The following OR3A2 variants were observed in gnomAD, a reference collection of about 807,000 sequenced individuals.
The protein encoded by OR3A2 is olfactory receptor family 3 subfamily A member 2.
For missense variants in OR3A2, 318 were observed against 392.8 expected (o/e 0.81, Z 1.61); for synonymous variants, 126 against 159.3 (o/e 0.79, Z 1.57).
intron 3 of OR3A2, among the ~76,000 whole-genome samples, chr17:3,327,819 T>C (rs915873481): frequency 2.1e-5 from 3 of 140,562 alleles, no homozygotes; most frequent in East Asian, 2.3e-4. Context: ...AGGGAATCCT[T>C]TCCCCATTGC....
intron 3 of OR3A2, among the ~76,000 whole-genome samples, chr17:3,330,535 C>T (rs1260026984): frequency 6.6e-6 from 1 of 151,956 alleles, no homozygotes; most frequent in African/African-American, 2.4e-5. Context: ...GATTGCAACC[C>T]CTGCCTTTTT....
chr17:3,359,707 G>T (rs898715990), intron 2 of OR3A2, among the ~76,000 whole-genome samples: 3 of 151,706 alleles, frequency 2.0e-5, no homozygotes, highest in African/African-American at 7.3e-5. Context: ...TGCTGAGAAT[G>T]ATGGTTTCCA....
intron 2 of OR3A2, among the ~76,000 whole-genome samples, chr17:3,367,599 G>GCGTATA: frequency 1.2e-5 from 1 of 85,968 alleles, no homozygotes; most frequent in South Asian, 4.2e-4. Context: ...GTGTGTGTGT[G>GCGTATA]TGTATATATA....
intron 2 of OR3A2, among the ~76,000 whole-genome samples, chr17:3,356,257 G>C (rs1046613943): frequency 1.3e-5 from 2 of 151,448 alleles, no homozygotes; most frequent in African/African-American, 4.9e-5. Flanking sequence ...TTCTATTTGA[G>C]TAGTTTACAC....
In OR3A2 at chr17:3,323,647, G is replaced by T. The variant is rs142968305; in HGVS notation, c.-85+12386C>A. On this transcript the variant is annotated intron_variant, in intron 3 of 4. Coordinates refer to the OR3A2 transcript ENST00000573491. ...AGTTTGGCTGGATATGAAATTCTGG[G>T]TTGAAAATTCTTTTCCTTAAGAATG... Among the ~76,000 whole-genome samples, 416 of 152,152 alleles carry T rather than the reference G, an allele frequency of 2.7e-3. 2 individuals carry two copies. The highest frequency in any genetic ancestry group is 3.5e-3 in the Non-Finnish European group (238 of 68,014).
chr17:3,310,551 G>A (rs150593678), intron 3 of OR3A2: 23 of 536,256 alleles, frequency 4.3e-5, no homozygotes, highest in African/African-American at 4.2e-4. Flanking sequence ...CAGTGTCACT[G>A]TCCCTGCCAT....
chr17:3,372,695 G>A lies in OR3A2; in HGVS notation c.-179+11109C>T, dbSNP rs370172916. Among the ~76,000 whole-genome samples the A allele has an allele frequency of 2.6e-4, 39 of 151,678 alleles. No individual in the cohort carries two copies. The East Asian group carries it at 4.9e-3, about 19-fold the overall frequency. On this transcript the variant is annotated intron_variant, in intron 2 of 4. Coordinates refer to the OR3A2 transcript ENST00000573491. The stretch of plus-strand genomic sequence containing the variant: ...GAAAACCAGTCAGGCGTGGCGGCGC[G>A]CGCCTGCAATCGCAGGCACTCGGCA...
At chr17:3,310,849 T>C (rs1477892180) in intron 3 of OR3A2, 2 of 1,043,410 alleles carry the variant, frequency 1.9e-6, no homozygotes, top group Non-Finnish European at 2.8e-6. Context: ...ATCAATCACT[T>C]CTACTGTGAC....
intron 3 of OR3A2, among the ~76,000 whole-genome samples, chr17:3,327,812 G>C (rs1355560726): frequency 7.2e-6 from 1 of 139,776 alleles, no homozygotes; most frequent in Non-Finnish European, 1.5e-5. Context: ...ATTAAATAGG[G>C]AATCCTTTCC....
chr17:3,278,605 A>G, exon 2 of OR3A2: 1 of 1,595,828 alleles, frequency 6.3e-7, no homozygotes, highest in South Asian at 1.1e-5. Context: ...TGGAAGAAGA[A>G]GAGCTGGGAG....
intron 3 of OR3A2, chr17:3,291,033 C>G (rs1266978963): frequency 6.6e-6 from 1 of 152,218 alleles, no homozygotes; most frequent in Non-Finnish European, 1.5e-5. Flanking sequence ...ACACAGGTAT[C>G]AGGTGCTCCA....
chr17:3,311,660 C>T lies in OR3A2; in HGVS notation c.-85+24373G>A. On this transcript the variant is annotated intron_variant, in intron 3 of 4. Coordinates refer to the OR3A2 transcript ENST00000573491. The surrounding 1 kb of genome is among the most constrained non-coding windows in gnomAD (Gnocchi z 4.6). The stretch of plus-strand genomic sequence containing the variant: ...ATCTCAGTGTCCTATGCCCACGTCA[C>T]AGCTGCAATATTACAAATCCGCTCA... 1 of 292,496 alleles carries T rather than the reference C, an allele frequency of 3.4e-6. No homozygotes were observed. Among genetic ancestry groups the T allele is most frequent in the East Asian group, 7.7e-5 (1 of 12,986 alleles). 18.1% of individuals were successfully genotyped at this position (292,496 alleles called of 1,614,324 possible). A position where few individuals can be genotyped will look rare whatever the true frequency, so the allele number is the denominator to read the frequency against.
rs886553461 is a variant in OR3A2, at chr17:3,360,225, C to T, written c.-179+23579G>A. 1.1e-4 allele frequency among the ~76,000 whole-genome samples: 17 copies of T among 150,862 alleles called. 1 individual carries two copies. Among genetic ancestry groups the T allele is most frequent in the Admixed American group, 7.2e-4 (11 of 15,176 alleles). On this transcript the variant is annotated intron_variant, in intron 2 of 4. Coordinates refer to the OR3A2 transcript ENST00000573491. Reference sequence around the variant, plus strand: ...TTGGCTGCATAAATGTCTTCTTTTGCGAAGTGTCTGTTCATATCCTTCGCC... The same window carrying T: ...TTGGCTGCATAAATGTCTTCTTTTGTGAAGTGTCTGTTCATATCCTTCGCC...
chr17:3,278,996 C>G (rs1243942730), intron 1 of OR3A2, 73 bp from the exon 5 acceptor site: 2 of 1,559,786 alleles, frequency 1.3e-6, no homozygotes, highest in South Asian at 1.2e-5. Flanking sequence ...TATTTTAAAC[C>G]ATTTATGTTC....
At chr17:3,291,685 C>T in intron 3 of OR3A2, 1 of 1,610,940 alleles carries the variant, frequency 6.2e-7, no homozygotes, top group East Asian at 2.2e-5. Context: ...GCACTCTGCA[C>T]ATCAGGGTTT....
rs1265919878 is a variant in OR3A2 at position 3,278,787 on chromosome 17, C to G, written c.131G>C (p.Gly44Ala). The G allele has an allele frequency of 1.6e-5, 23 of 1,482,810 alleles. No individual in the cohort carries two copies. The highest frequency in any genetic ancestry group is 2.1e-5 in the Non-Finnish European group (23 of 1,094,324). 91.9% of individuals were successfully genotyped at this position (1,482,810 alleles called of 1,614,324 possible). The change falls in exon 2 of 2, where the codon GGC (glycine) becomes GCC (alanine). Residue 44 changes from glycine to alanine, a missense_variant. Transcript: ENST00000642052. ...GACGGCTGCCAGGATGCTGAGGTTGCCCCCAGTTGTGACCAGATAGGCAAA... is the reference window on the plus strand; with the variant it reads ...GACGGCTGCCAGGATGCTGAGGTTGGCCCCAGTTGTGACCAGATAGGCAAA...
At chr17:3,353,760 G>A (rs748348919) in intron 2 of OR3A2, among the ~76,000 whole-genome samples, 4 of 151,746 alleles carry the variant, frequency 2.6e-5, no homozygotes, top group African/African-American at 4.8e-5. Flanking sequence ...AGTGAAATAA[G>A]CACATCATGG....
intron 3 of OR3A2, among the ~76,000 whole-genome samples, chr17:3,324,046 T>C (rs1211047487): frequency 4.6e-5 from 7 of 152,220 alleles, no homozygotes; most frequent in South Asian, 2.1e-4. Context: ...TCTTGGAGGC[T>C]TTGTTCATTT....
intron 3 of OR3A2, among the ~76,000 whole-genome samples, chr17:3,331,478 C>T (rs1413388994): frequency 1.3e-5 from 2 of 151,824 alleles, no homozygotes; most frequent in Non-Finnish European, 2.9e-5. Flanking sequence ...TCTTCCATCG[C>T]TGATACCCTT....
Sources: allele counts gnomAD v4.1 joint callset (sites outside exome capture counted in the v4.1 genomes callset), GRCh38; gene constraint gnomAD v4.1.1; non-coding constraint Gnocchi (gnomAD v3.1); transcripts MANE v1.5; gene names NCBI Gene and HGNC (gene_info 2026-07-23, HGNC 2026-07-21).